The following AK5 variants were observed in gnomAD, a reference collection of about 807,000 sequenced individuals.
AK5 encodes adenylate kinase 5, also known as adenylate kinase isoenzyme 5.
AK5 carries 27 observed loss-of-function variants against 69.5 expected under a neutral mutation model. The observed-to-expected ratio is 0.39, with a 90% CI of 0.29 to 0.54. The LOEUF (loss-of-function observed/expected upper bound fraction) is 0.54, where lower values mean the gene tolerates loss of function less well. Ranked by LOEUF, AK5 falls within the 20% of genes least tolerant of loss-of-function variation. The pLI is 0.71. For missense variants in AK5, 531 were observed against 700.4 expected, an observed-to-expected ratio of 0.76 and a Z score of 2.73; for synonymous variants, 260 against 244.4, an observed-to-expected ratio of 1.06 and a Z score of -0.60.
At chr1:77,470,846 TATATATA>T (rs1654424951) in intron 8 of AK5, among the ~76,000 whole-genome samples, 3 of 27,206 alleles carry the variant, frequency 1.1e-4, no homozygotes, top group Non-Finnish European at 1.7e-4. Context: ...TATATATATA[TATATATA>T]TATATATATA....
At chr1:77,413,503 T>G (rs573447531) in intron 7 of AK5, among the ~76,000 whole-genome samples, 11 of 152,288 alleles carry the variant, frequency 7.2e-5, no homozygotes, top group Admixed American at 7.2e-4. Flanking sequence ...TCAAGGCCTG[T>G]CTACAGTGTC....
intron 11 of AK5, among the ~76,000 whole-genome samples, chr1:77,519,644 A>G (rs1302484189): frequency 6.6e-6 from 1 of 152,206 alleles, no homozygotes; most frequent in East Asian, 1.9e-4. Context: ...TTTATGTGTT[A>G]TTTCTTGATG....
At chr1:77,411,906 A>T (rs371154342) in intron 7 of AK5, among the ~76,000 whole-genome samples, 3 of 152,326 alleles carry the variant, frequency 2.0e-5, no homozygotes, top group African/African-American at 7.2e-5. Context: ...CAGATAACCG[A>T]TGTAAACTCA....
intron 8 of AK5, among the ~76,000 whole-genome samples, chr1:77,473,358 CA>C (rs1654639489): frequency 6.6e-6 from 1 of 152,106 alleles, no homozygotes; most frequent in South Asian, 2.1e-4. Flanking sequence ...ACTTGGATTA[CA>C]GGCATGAGAC....
intron 1 of AK5, 77 bp from the exon 2 acceptor site, chr1:77,286,859 TAATTA>T (rs138257308): frequency 0.07 from 62,485 of 889,308 alleles, 3,099 homozygotes; most frequent in South Asian, 0.21. Context: ...AAAAATTAAT[TAATTA>T]AATTAAATTA....
chr1:77,433,553 A>C (rs576496723), intron 8 of AK5, among the ~76,000 whole-genome samples: 1 of 150,004 alleles, frequency 6.7e-6, no homozygotes, highest in Non-Finnish European at 1.5e-5. Context: ...AATAAAGAGA[A>C]CAGATTCTTA....
At chr1:77,367,814 A>ATATATAATATATAATATATGT in intron 6 of AK5, among the ~76,000 whole-genome samples, 1 of 10,592 alleles carries the variant, frequency 9.4e-5, no homozygotes, top group Non-Finnish European at 2.3e-4. Context: ...AATATATGTT[A>ATATATAATATATAATATATGT]TATATATTAT....
chr1:77,552,910 C>T (rs1205266295), intron 13 of AK5, among the ~76,000 whole-genome samples: 5 of 152,052 alleles, frequency 3.3e-5, no homozygotes, highest in East Asian at 3.9e-4. Flanking sequence ...CATGGGGGCA[C>T]ACGCCTGTAG....
chr1:77,446,169 C>T (rs12569104), intron 8 of AK5, among the ~76,000 whole-genome samples: 10,201 of 152,216 alleles, frequency 0.067, 713 homozygotes, highest in East Asian at 0.31. Flanking sequence ...TTCCCTAGCA[C>T]CATTTATTGC....
chr1:77,367,612 T>A (rs71502779), intron 6 of AK5, among the ~76,000 whole-genome samples: 5,504 of 68,154 alleles, frequency 0.081, 552 homozygotes, highest in Non-Finnish European at 0.1. Flanking sequence ...ATATATGTAA[T>A]ATATATGTTA....
intron 8 of AK5, among the ~76,000 whole-genome samples, chr1:77,449,073 C>A (rs1023143820): frequency 2.6e-5 from 4 of 152,212 alleles, no homozygotes; most frequent in Non-Finnish European, 5.9e-5. Context: ...AGAGCCCCTA[C>A]ACAGAGTCCC....
intron 5 of AK5, among the ~76,000 whole-genome samples, chr1:77,332,334 T>G (rs1040025516): frequency 6.6e-6 from 1 of 151,574 alleles, no homozygotes; most frequent in African/African-American, 2.4e-5. Flanking sequence ...TTTTATATTT[T>G]ATTACTTTCT....
At chr1:77,413,983 A>G (rs1035592985) in intron 7 of AK5, among the ~76,000 whole-genome samples, 3 of 152,204 alleles carry the variant, frequency 2.0e-5, no homozygotes, top group Non-Finnish European at 4.4e-5. Flanking sequence ...ACACATTGTA[A>G]TGAACACTTT....
intron 10 of AK5, among the ~76,000 whole-genome samples, chr1:77,509,463 A>C (rs1314429625): frequency 6.6e-6 from 1 of 152,152 alleles, no homozygotes; most frequent in Non-Finnish European, 1.5e-5. Context: ...AGAAGGTTTC[A>C]ACTGACCCAT....
At chr1:77,532,045 G>A (rs1190389398) in intron 12 of AK5, 3 of 152,010 alleles carry the variant, frequency 2.0e-5, no homozygotes, top group Non-Finnish European at 4.4e-5. Context: ...ACGCCCACCT[G>A]GAGCTCTGCG....
intron 5 of AK5, among the ~76,000 whole-genome samples, chr1:77,328,219 G>A (rs1660904461): frequency 6.6e-6 from 1 of 152,124 alleles, no homozygotes; most frequent in Non-Finnish European, 1.5e-5. Flanking sequence ...TAAAACTTCA[G>A]GCCAGGTGCA....
chr1:77,335,946 T>C (rs1311449644), intron 5 of AK5, among the ~76,000 whole-genome samples: 1 of 152,194 alleles, frequency 6.6e-6, no homozygotes, highest in African/African-American at 2.4e-5. Flanking sequence ...TGCACTCACA[T>C]GGTGAAAGGG....
chr1:77,306,108 T>C (rs1659621892), intron 5 of AK5, among the ~76,000 whole-genome samples: 1 of 152,152 alleles, frequency 6.6e-6, no homozygotes, highest in African/African-American at 2.4e-5. Context: ...CTAGGACTTC[T>C]AGTACTATGT....
At chr1:77,555,005 T>TA (rs1368966483) in intron 13 of AK5, among the ~76,000 whole-genome samples, 1 of 152,066 alleles carries the variant, frequency 6.6e-6, no homozygotes, top group Non-Finnish European at 1.5e-5. Flanking sequence ...TAAAAACTCT[T>TA]ACATGGGCTG....
Sources: allele counts gnomAD v4.1 joint callset (sites outside exome capture counted in the v4.1 genomes callset), GRCh38; gene constraint gnomAD v4.1.1; transcripts MANE v1.5; gene names NCBI Gene and HGNC (gene_info 2026-07-23, HGNC 2026-07-21).